COG5: variants seen among roughly 807,000 people sequenced by gnomAD.
COG5 encodes the protein component of oligomeric golgi complex 5.
Under a neutral mutation model 110.4 loss-of-function variants are expected in COG5, and 86 were observed. The ratio of observed to expected loss-of-function variants is 0.78; its 90% confidence interval spans 0.65 to 0.93. COG5 has a LOEUF of 0.93. Ranked by LOEUF, COG5 falls within the 40% of genes least tolerant of loss-of-function variation. The pLI is 0.00. For missense variants in COG5, 1,077 were observed against 987.0 expected, an observed-to-expected ratio of 1.09 and a Z score of -1.22; for synonymous variants, 360 against 334.6, an observed-to-expected ratio of 1.08 and a Z score of -0.83.
At chr7:107,552,262 A>T (rs1055632644) in intron 3 of COG5, among the ~76,000 whole-genome samples, 12 of 152,246 alleles carry the variant, frequency 7.9e-5, no homozygotes, top group Non-Finnish European at 1.8e-4. Context: ...AAAAATGCAT[A>T]AAAATATTAT....
chr7:107,418,600 G>C lies in COG5; in HGVS notation c.539-5968C>G, dbSNP rs564165601. Among the ~76,000 whole-genome samples, 32 of 138,022 alleles carry C rather than the reference G, an allele frequency of 2.3e-4. 1 individual carries two copies. The highest frequency in any genetic ancestry group is 3.8e-4 in the Non-Finnish European group (24 of 62,570). 90.5% of individuals were successfully genotyped at this position (138,022 alleles called of 152,430 possible). On this transcript the variant is annotated intron_variant, in intron 6 of 21. Transcript: ENST00000297135. ...ACACACAGACACATAAACACACACA[G>C]AGTCATGGCTTGCTTTTTTTTTTTT...
intron 11 of COG5, among the ~76,000 whole-genome samples, chr7:107,318,484 T>A (rs1281965130): frequency 6.6e-6 from 1 of 152,248 alleles, no homozygotes; most frequent in African/African-American, 2.4e-5. Context: ...TAAATTAATA[T>A]GTGACAACAG....
intron 6 of COG5, among the ~76,000 whole-genome samples, chr7:107,468,354 C>T (rs575976868): frequency 2.0e-4 from 30 of 152,220 alleles, no homozygotes; most frequent in African/African-American, 5.5e-4. Flanking sequence ...ATCCCCATCA[C>T]ATATTTCCAC....
At chr7:107,248,526 AG>A (rs1802231487) in intron 16 of COG5, 27 bp from the exon 17 acceptor site, 2 of 1,480,898 alleles carry the variant, frequency 1.4e-6, no homozygotes, top group Non-Finnish European at 1.9e-6. Flanking sequence ...AAGAAAAAAA[AG>A]AAGAGGCAAG....
At chr7:107,402,918 AGTTT>A (rs1433356566) in intron 7 of COG5, among the ~76,000 whole-genome samples, 1 of 152,254 alleles carries the variant, frequency 6.6e-6, no homozygotes, top group African/African-American at 2.4e-5. Flanking sequence ...TAAGGTCAGA[AGTTT>A]ATTTATGTAT....
chr7:107,435,602 A>T (rs994578134), intron 6 of COG5, among the ~76,000 whole-genome samples: 4 of 152,134 alleles, frequency 2.6e-5, no homozygotes, highest in African/African-American at 9.7e-5. Flanking sequence ...GCAGTGAGCC[A>T]AGATCGTGCC....
intron 14 of COG5, among the ~76,000 whole-genome samples, chr7:107,280,049 G>C (rs1160585872): frequency 6.6e-6 from 1 of 151,796 alleles, no homozygotes; most frequent in African/African-American, 2.4e-5. Flanking sequence ...TCTTAGCATT[G>C]TCAGTAATTA....
chr7:107,427,305 C>T (rs888584026), intron 6 of COG5, among the ~76,000 whole-genome samples: 1 of 152,128 alleles, frequency 6.6e-6, no homozygotes, highest in African/African-American at 2.4e-5. Context: ...TCCTATACAT[C>T]AAAATTGACA....
chr7:107,230,466 T>C, intron 19 of COG5, 149 bp downstream of exon 19: 1 of 721,040 alleles, frequency 1.4e-6, no homozygotes, highest in Non-Finnish European at 2.5e-6. Context: ...GGGTTTCTGA[T>C]TTGAATACTT....
At chr7:107,428,107 G>C (rs573636778) in intron 6 of COG5, among the ~76,000 whole-genome samples, 1 of 152,278 alleles carries the variant, frequency 6.6e-6, no homozygotes, top group East Asian at 1.9e-4. Context: ...ACAGGTGAAA[G>C]GTGGGGATCA....
chr7:107,218,526 A>C (rs564152797), intron 19 of COG5, among the ~76,000 whole-genome samples: 1 of 152,290 alleles, frequency 6.6e-6, no homozygotes, highest in South Asian at 2.1e-4. Flanking sequence ...AGAACAGAAC[A>C]TAGAGCCCAT....
intron 6 of COG5, among the ~76,000 whole-genome samples, chr7:107,426,957 T>G (rs575498676): frequency 6.6e-6 from 1 of 152,282 alleles, no homozygotes; most frequent in African/African-American, 2.4e-5. Context: ...TGGAGAAAGA[T>G]GAAGTACTTA....
chr7:107,247,390 A>T (rs183484825), intron 17 of COG5, among the ~76,000 whole-genome samples: 245 of 152,336 alleles, frequency 1.6e-3, no homozygotes, highest in African/African-American at 5.5e-3. Context: ...CAAAAAAATT[A>T]AAAAACTTTG....
At chr7:107,334,793 A>C (rs74553926) in intron 10 of COG5, among the ~76,000 whole-genome samples, 28 of 152,224 alleles carry the variant, frequency 1.8e-4, no homozygotes, top group African/African-American at 6.3e-4. Context: ...AAAAAAAAAA[A>C]CAGTAATATG....
At chr7:107,222,570 T>C (rs1800018261) in intron 19 of COG5, among the ~76,000 whole-genome samples, 1 of 152,220 alleles carries the variant, frequency 6.6e-6, no homozygotes, top group Non-Finnish European at 1.5e-5. Flanking sequence ...TGACTCTGTA[T>C]TGTGCATCAC....
At chr7:107,489,315 A>T (rs543820134) in intron 6 of COG5, among the ~76,000 whole-genome samples, 4 of 152,314 alleles carry the variant, frequency 2.6e-5, no homozygotes, top group Admixed American at 1.3e-4. Context: ...CCAATCTCAT[A>T]TCTCAGCCGA....
At chr7:107,303,299 C>T (rs1380047183) in intron 11 of COG5, among the ~76,000 whole-genome samples, 1 of 151,962 alleles carries the variant, frequency 6.6e-6, no homozygotes, top group African/African-American at 2.4e-5. Flanking sequence ...AGGGTTTAAG[C>T]CAAACTTTGT....
At chr7:107,258,214 C>G (rs943561168) in intron 15 of COG5, 59 bp downstream of exon 15, 27 of 1,017,314 alleles carry the variant, frequency 2.7e-5, no homozygotes, top group Non-Finnish European at 4.0e-5. Flanking sequence ...GTAAACTGTC[C>G]AAATTTGAGG....
intron 7 of COG5, among the ~76,000 whole-genome samples, chr7:107,386,506 G>T (rs539589001): frequency 9.2e-5 from 14 of 152,150 alleles, no homozygotes; most frequent in Non-Finnish European, 1.8e-4. Context: ...AAAGCACCGC[G>T]CAGTCAGTGA....
Sources: gnomAD v4.1 joint callset for allele counts (sites outside exome capture counted in the v4.1 genomes callset) on GRCh38, gnomAD v4.1.1 for gene constraint, MANE v1.5 for transcripts, NCBI Gene and HGNC (gene_info 2026-07-23, HGNC 2026-07-21) for gene names.